PCDHGB1: variants seen among roughly 807,000 people sequenced by gnomAD.
PCDHGB1 encodes the protein protocadherin gamma subfamily B, 1, also known as protocadherin gamma-B1.
In PCDHGB1, 34 loss-of-function variants were observed where a neutral mutation model predicts 56.6. The observed-to-expected ratio is 0.60, with a 90% CI of 0.46 to 0.80. The LOEUF is 0.80. PCDHGB1 is among the 30% of genes least tolerant of loss of function. The pLI is 0.00. For synonymous variants in PCDHGB1, 561 were observed against 505.9 expected (o/e 1.11, Z -1.46); for missense variants, 1,278 against 1,204.6 (o/e 1.06, Z -0.90).
At chr5:141,353,883 G>T (rs994045852) in intron 1 of PCDHGB1, among the ~76,000 whole-genome samples, 5 of 152,292 alleles carry the variant, frequency 3.3e-5, no homozygotes, top group Non-Finnish European at 7.4e-5. Flanking sequence ...AAGTCTGAGG[G>T]TTTTTAAATT....
intron 1 of PCDHGB1, chr5:141,394,001 G>T: frequency 6.2e-7 from 1 of 1,613,458 alleles, no homozygotes; most frequent in Non-Finnish European, 8.5e-7. Flanking sequence ...AATTAGAAAA[G>T]TCAATAGGTA....
intron 1 of PCDHGB1, among the ~76,000 whole-genome samples, chr5:141,451,364 C>T (rs970149151): frequency 3.9e-5 from 6 of 152,078 alleles, no homozygotes; most frequent in Middle Eastern, 3.2e-3. Context: ...AGGATGGATC[C>T]GCTTCTAATC....
rs539372561 is a variant in PCDHGB1, at chr5:141,379,222, GT to G, written c.2409+26558del. On this transcript the variant is annotated intron_variant, in intron 1 of 3. Coordinates refer to ENST00000523390, the MANE Select transcript of PCDHGB1 (RefSeq NM_018922.3). ...AAATAAGCTGCTAAGAGTAATATGT[GT>G]TTTTCTGAACCAATATTGTGGTATT... 26 of 152,080 alleles carry G rather than the reference GT, an allele frequency of 1.7e-4. 1 individual carries two copies. The highest frequency in any genetic ancestry group is 3.1e-4 in the Non-Finnish European group (21 of 67,992). The allele number at this position is 152,080 out of a possible 1,614,324, so 9.4% of individuals were successfully genotyped here. A position where few individuals can be genotyped will look rare whatever the true frequency, so the allele number is the denominator to read the frequency against.
intron 1 of PCDHGB1, among the ~76,000 whole-genome samples, chr5:141,433,408 A>ATCT (rs1413347413): frequency 3.1e-3 from 395 of 127,344 alleles, no homozygotes; most frequent in African/African-American, 0.011. Context: ...TCTATCTATT[A>ATCT]CTTTCTTGTA....
intron 1 of PCDHGB1, chr5:141,430,944 G>T: frequency 1.2e-6 from 2 of 1,609,214 alleles, no homozygotes; most frequent in Non-Finnish European, 1.7e-6. Flanking sequence ...CTCGCGGAGC[G>T]CGGAGTCCGC....
intron 1 of PCDHGB1, chr5:141,468,401 C>G (rs943048252): frequency 6.7e-6 from 1 of 149,126 alleles, no homozygotes; most frequent in Non-Finnish European, 1.5e-5. Flanking sequence ...TTGGTGAGAA[C>G]TAATAATAAG....
intron 1 of PCDHGB1, among the ~76,000 whole-genome samples, chr5:141,442,888 GCTTATCA>G (rs776180931): frequency 8.5e-5 from 13 of 152,204 alleles, no homozygotes; most frequent in Non-Finnish European, 1.8e-4. Flanking sequence ...CAGAATCCCT[GCTTATCA>G]CTTCTCCTTC....
At chr5:141,502,404 C>A (rs1270930372) in intron 2 of PCDHGB1, among the ~76,000 whole-genome samples, 1 of 151,880 alleles carries the variant, frequency 6.6e-6, no homozygotes, top group Non-Finnish European at 1.5e-5. Flanking sequence ...TGTCCCCGAA[C>A]CTGGATTTGC....
chr5:141,458,624 C>G (rs1382508302), intron 1 of PCDHGB1, among the ~76,000 whole-genome samples: 1 of 152,082 alleles, frequency 6.6e-6, no homozygotes, highest in East Asian at 1.9e-4. Context: ...GGCTGGAGTG[C>G]AGTGGCACAA....
chr5:141,496,140 T>C (rs1172903212), intron 2 of PCDHGB1, among the ~76,000 whole-genome samples: 1 of 152,006 alleles, frequency 6.6e-6, no homozygotes, highest in Admixed American at 6.6e-5. Flanking sequence ...CACTGAGCCT[T>C]TGATCGCAGC....
chr5:141,399,001 T>G, intron 1 of PCDHGB1: 1 of 1,613,890 alleles, frequency 6.2e-7, no homozygotes, highest in Non-Finnish European at 8.5e-7. Context: ...TAGTCTGAAT[T>G]CAAAGAGCGG....
intron 1 of PCDHGB1, chr5:141,492,055 G>C (rs1335131646): frequency 4.1e-6 from 2 of 493,506 alleles, no homozygotes; most frequent in Non-Finnish European, 7.1e-6. Flanking sequence ...CACCCCTGCA[G>C]CCAGCCTCCT....
Position 141,368,385 on chromosome 5 carries a change from A to T in PCDHGB1, c.2409+15716A>T, listed in dbSNP as rs535451348. Among the ~76,000 whole-genome samples the T allele has an allele frequency of 8.5e-5, 13 of 152,240 alleles. 1 individual carries two copies. The South Asian group carries it at 2.5e-3, about 29-fold the overall frequency. On this transcript the variant is annotated intron_variant, in intron 1 of 3. Coordinates refer to ENST00000523390, the MANE Select transcript of PCDHGB1 (RefSeq NM_018922.3). ...TACACACATATATATACACACATAC[A>T]CACACACAAACACACATACATACAC... is the stretch of plus-strand genomic sequence containing the variant.
Position 141,351,355 on chromosome 5 carries a change from A to C in PCDHGB1, c.1095A>C (p.Ile365=), listed in dbSNP as rs1758699378. 1.2e-6 allele frequency: 2 copies of C among 1,613,176 alleles called. No homozygotes were observed. Among genetic ancestry groups the C allele is most frequent in the Admixed American group, 3.3e-5 (2 of 59,846 alleles). Residue 365 remains isoleucine, a synonymous_variant, in exon 1 of 4, where the codon ATA becomes ATC. Transcript: ENST00000523390. ...ACCTTGGAACTGTAATAGCCCTCAT[A>C]AAAGTGCGAGACAAGGATTCTGGGC... The part of the protein sequence containing the change: ...DSDLGTVIAL[I]KVRDKDSGQN...
intron 1 of PCDHGB1, among the ~76,000 whole-genome samples, chr5:141,461,181 A>T (rs1322465700): frequency 1.3e-5 from 2 of 152,104 alleles, no homozygotes; most frequent in Non-Finnish European, 2.9e-5. Flanking sequence ...ATTGAATGGT[A>T]GATCTGTTTT....
At chr5:141,506,164 G>A (rs959032250) in intron 3 of PCDHGB1, among the ~76,000 whole-genome samples, 17 of 152,140 alleles carry the variant, frequency 1.1e-4, no homozygotes, top group Non-Finnish European at 2.4e-4. Context: ...TAAGAGCACA[G>A]CCTAAGCTGG....
intron 1 of PCDHGB1, among the ~76,000 whole-genome samples, chr5:141,397,436 G>GT (rs1255719276): frequency 6.6e-6 from 1 of 152,172 alleles, no homozygotes; most frequent in Non-Finnish European, 1.5e-5. Flanking sequence ...TCCCTAATAT[G>GT]TGTAATATAA....
chr5:141,357,682 G>T, intron 1 of PCDHGB1: 1 of 1,578,696 alleles, frequency 6.3e-7, no homozygotes, highest in Non-Finnish European at 8.6e-7. Context: ...TTGTGTAAAT[G>T]TCTCTCATTT....
At chr5:141,402,096 A>G (rs1343417374) in intron 1 of PCDHGB1, among the ~76,000 whole-genome samples, 2 of 152,226 alleles carry the variant, frequency 1.3e-5, no homozygotes, top group Non-Finnish European at 2.9e-5. Context: ...GAAAAGTTTA[A>G]GCAATTACAA....
Sources: gnomAD v4.1 joint callset for allele counts (sites outside exome capture counted in the v4.1 genomes callset) on GRCh38, gnomAD v4.1.1 for gene constraint, MANE v1.5 for transcripts, NCBI Gene and HGNC (gene_info 2026-07-23, HGNC 2026-07-21) for gene names.